The following DNA2 variants were observed in gnomAD, a reference collection of about 807,000 sequenced individuals.
DNA2 encodes DNA replication helicase/nuclease 2.
In DNA2, 101 loss-of-function variants were observed where a neutral mutation model predicts 119.1. That is an observed-to-expected ratio of 0.85 (90% CI 0.72 to 1.00). DNA2 has a LOEUF of 1.00. DNA2 is among the 50% of genes least tolerant of loss of function. The pLI, the probability that DNA2 is intolerant of heterozygous loss-of-function variation, is 0.00. For missense variants in DNA2, 1,121 were observed against 1,255.5 expected, an observed-to-expected ratio of 0.89 and a Z score of 1.62; for synonymous variants, 366 against 424.4, an observed-to-expected ratio of 0.86 and a Z score of 1.69.
intron 9 of DNA2, among the ~76,000 whole-genome samples, chr10:68,441,796 T>TA (rs1355319685): frequency 2.0e-5 from 3 of 152,002 alleles, no homozygotes; most frequent in Non-Finnish European, 4.4e-5. Flanking sequence ...AGCGAGTATT[T>TA]AAAAAATCCA....
In DNA2 at chr10:68,459,151, GA is replaced by G. The variant is rs750950588; in HGVS notation, c.671del (p.Phe224SerfsTer33). On this transcript the variant is annotated frameshift_variant, in exon 5 of 21. Coordinates refer to ENST00000358410, the MANE Select transcript of DNA2 (RefSeq NM_001080449.3). LOFTEE classifies it high-confidence loss of function. Reference sequence around the variant, plus strand: ...AGTCAGTCGAAGTGTTTTTATGCATGAAATCTCCTGCCCATTTACAAAACGA... The same window carrying G: ...AGTCAGTCGAAGTGTTTTTATGCATGAATCTCCTGCCCATTTACAAAACGA... ...LPSFCKWAGD[F>X]MHKNTSTDFP... 6.3e-7 allele frequency: 1 copy of G among 1,597,002 alleles called. No individual in the cohort carries two copies. The highest frequency in any genetic ancestry group is 2.2e-5 in the East Asian group (1 of 44,500).
In DNA2 at chr10:68,471,951, G is replaced by T; in HGVS notation, c.-87C>A. On this transcript the variant is annotated 5_prime_UTR_variant, in exon 1 of 21. The change creates a premature stop within an existing upstream ORF in the 5' untranslated region. Transcript: ENST00000358410. ...AAGCTTAGAAAAGGGAAAAAGGCGC[G>T]AGCCTGCGCACCTCGCGCGCATGCG... 1 of 1,612,954 alleles carries T rather than the reference G, an allele frequency of 6.2e-7. No individual in the cohort carries two copies.
chr10:68,457,478 T>G (rs757229857), intron 5 of DNA2, among the ~76,000 whole-genome samples: 1 of 152,184 alleles, frequency 6.6e-6, no homozygotes. Context: ...CACCACTACC[T>G]ACCTATTCTC....
intron 17 of DNA2, among the ~76,000 whole-genome samples, chr10:68,420,836 T>G (rs918676453): frequency 1.4e-4 from 22 of 152,176 alleles, no homozygotes; most frequent in African/African-American, 5.3e-4. Context: ...AATGACTGGT[T>G]TGTAAAAAGG....
intron 6 of DNA2, 33 bp downstream of exon 6, chr10:68,449,995 T>C (rs751286038): frequency 1.6e-6 from 2 of 1,238,650 alleles, no homozygotes; most frequent in Admixed American, 2.3e-5. Context: ...AAAAAAAGTA[T>C]AAAACAGACA....
intron 9 of DNA2, among the ~76,000 whole-genome samples, chr10:68,438,652 T>A (rs566335418): frequency 5.1e-4 from 78 of 152,314 alleles, no homozygotes; most frequent in Non-Finnish European, 1.0e-4. Flanking sequence ...TACAATTAAA[T>A]AAACTTTCTC....
In DNA2 at chr10:68,459,231, G is replaced by A. The variant is rs376070435; in HGVS notation, c.592C>T (p.Arg198Cys). The A allele has an allele frequency of 3.8e-5, 58 of 1,543,698 alleles. No homozygotes were observed. The highest frequency in any genetic ancestry group is 4.9e-5 in the South Asian group (4 of 81,308). The change falls in exon 5 of 21, where the codon CGC (arginine) becomes TGC (cysteine). Residue 198 changes from arginine to cysteine, a missense_variant. Physicochemically the swap from Arg to Cys is radical, Grantham distance 180 (BLOSUM62 -3). Transcript: ENST00000358410. ...QEIRHLKEMY[R>C]LNLSQDEIKQ... ...ATTTCATCTTGACTTAGATTTAAGC[G>A]GTACCTGCCAAAAATATAATAGTAA...
intron 10 of DNA2, 60 bp downstream of exon 10, chr10:68,436,951 T>C (rs1401092846): frequency 3.1e-6 from 4 of 1,308,746 alleles, no homozygotes; most frequent in African/African-American, 1.5e-5. Context: ...ATGGATGAAC[T>C]ACACAGATGT....
chr10:68,446,288 G>A lies in DNA2; in HGVS notation c.1057+8C>T, dbSNP rs369805809. ...AAAGAAGTAAAACTAAAAAAAAAAC[G>A]GCTCAACCTCTTTTATCTAGATGGT... On this transcript the variant is annotated splice_region_variant and intron_variant, in intron 7 of 20. Coordinates refer to ENST00000358410, the MANE Select transcript of DNA2 (RefSeq NM_001080449.3). 41 of 1,500,214 alleles carry A rather than the reference G, an allele frequency of 2.7e-5. No individual in the cohort carries two copies. The highest frequency in any genetic ancestry group is 1.7e-4 in the African/African-American group (12 of 72,000). 92.9% of individuals were successfully genotyped at this position (1,500,214 alleles called of 1,614,324 possible). A position where few individuals can be genotyped will look rare whatever the true frequency, so the allele number is the denominator to read the frequency against.
rs370609248 is a variant in DNA2, at chr10:68,468,171, G to C, written c.393C>G (p.Ala131=). 8.7e-6 allele frequency: 14 copies of C among 1,610,522 alleles called. No homozygotes were observed. The highest frequency in any genetic ancestry group is 1.3e-5 in the African/African-American group (1 of 74,848). The change falls in exon 3 of 21, where the codon GCC becomes GCG. Residue 131 remains alanine (A), a synonymous_variant. Transcript: ENST00000358410. The part of the protein sequence containing the change: ...PDMLISGTSI[A]SSIRCMRRAV... The stretch of plus-strand genomic sequence containing the variant: ...CTCTTCTCATACATCGAATACTACT[G>C]GCTATGCTGGTGCCAGAAATCAGCA...
chr10:68,468,950 T>C (rs904357278), intron 2 of DNA2, among the ~76,000 whole-genome samples: 5 of 151,716 alleles, frequency 3.3e-5, no homozygotes, highest in African/African-American at 1.2e-4. Context: ...CTTGTGAGGC[T>C]GAGGCAGGAG....
At chr10:68,458,530 T>C (rs553936944) in intron 5 of DNA2, among the ~76,000 whole-genome samples, 1 of 142,920 alleles carries the variant, frequency 7.0e-6, no homozygotes, top group Non-Finnish European at 1.5e-5. Flanking sequence ...CAAGACTCTG[T>C]ATCAAAAAAG....
intron 5 of DNA2, among the ~76,000 whole-genome samples, chr10:68,458,819 C>A (rs2052219275): frequency 6.6e-6 from 1 of 151,900 alleles, no homozygotes; most frequent in Non-Finnish European, 1.5e-5. Context: ...ACTGTATTTC[C>A]AGCCTGTGCG....
At chr10:68,453,932 G>C (rs558927747) in intron 5 of DNA2, among the ~76,000 whole-genome samples, 1 of 152,162 alleles carries the variant, frequency 6.6e-6, no homozygotes, top group Non-Finnish European at 1.5e-5. Flanking sequence ...TTTGTGTTTT[G>C]ACAAAAAAAT....
rs749639978 is a variant in DNA2 at position 68,430,452 on chromosome 10, T to A, written c.2192A>T (p.Glu731Val). The A allele has an allele frequency of 1.9e-6, 3 of 1,602,816 alleles. No individual in the cohort carries two copies. In the East Asian group the frequency reaches 6.7e-5, roughly 36 times the overall value. The stretch of plus-strand genomic sequence containing the variant: ...TGTGCTTACTTGACTATTGTAGAGT[T>A]CTTCTAGAAGAGCTAAGGATTTAAT... Reference protein sequence around the residue: ...KSIKSLALLEELYNSQLIVAT... With the variant: ...KSIKSLALLEVLYNSQLIVAT... The change falls in exon 14 of 21, where the codon GAA becomes GTA. Residue 731 changes from glutamate (E) to valine (V), a missense_variant. Transcript: ENST00000358410.
chr10:68,422,206 CAG>C lies in DNA2; in HGVS notation c.2697+17_2697+18del, dbSNP rs768505110. 2 of 1,501,210 alleles carry C rather than the reference CAG, an allele frequency of 1.3e-6. No homozygotes were observed. Among genetic ancestry groups the C allele is most frequent in the South Asian group, 1.3e-5 (1 of 77,088 alleles). 93.0% of individuals were successfully genotyped at this position (1,501,210 alleles called of 1,614,324 possible). ...ATAGGACAAAATGAGAAAAACTAAA[CAG>C]AAATTTTTTTTTTTACCTTGTCTGT... is the stretch of plus-strand genomic sequence containing the variant. On this transcript the variant is annotated intron_variant, in intron 17 of 20. Coordinates refer to ENST00000358410, the MANE Select transcript of DNA2 (RefSeq NM_001080449.3).
chr10:68,446,441 C>A (rs1324856469), intron 6 of DNA2, 28 bp from the exon 7 acceptor site: 1 of 1,343,690 alleles, frequency 7.4e-7, no homozygotes, highest in African/African-American at 1.5e-5. Context: ...TTTGCTCAAA[C>A]AAAACTATAA....
chr10:68,469,390 C>CAAAAAAAA (rs71019005), intron 2 of DNA2, among the ~76,000 whole-genome samples: 52 of 76,008 alleles, frequency 6.8e-4, no homozygotes, highest in African/African-American at 1.9e-3. Flanking sequence ...ACTAAAAATA[C>CAAAAAAAA]AAAAAAAAAA....
chr10:68,429,134 G>A (rs1300663617), intron 14 of DNA2, among the ~76,000 whole-genome samples: 3 of 151,682 alleles, frequency 2.0e-5, no homozygotes, highest in Non-Finnish European at 4.4e-5. Context: ...AGGAGGTAAA[G>A]GAACACTCTA....
Sources: gnomAD v4.1 joint callset for allele counts (sites outside exome capture counted in the v4.1 genomes callset) on GRCh38, gnomAD v4.1.1 for gene constraint, MANE v1.5 for transcripts, NCBI Gene and HGNC (gene_info 2026-07-23, HGNC 2026-07-21) for gene names.